The following CSGALNACT2 variants were observed in gnomAD, a reference collection of about 807,000 sequenced individuals.
CSGALNACT2 encodes the protein beta 4 GalNAcT-2.
CSGALNACT2 carries 35 observed loss-of-function variants against 55.3 expected under a neutral mutation model. The ratio of observed to expected loss-of-function variants is 0.63; its 90% CI spans 0.48 to 0.84. CSGALNACT2 has a LOEUF of 0.84. Among genes scored for constraint, CSGALNACT2 ranks in the 40% least tolerant of loss-of-function variants. The pLI is 0.00. For synonymous variants in CSGALNACT2, 196 were observed against 224.9 expected (o/e 0.87, Z 1.15); for missense variants, 544 against 657.5 (o/e 0.83, Z 1.89).
chr10:43,181,256 TA>T (rs1429819751), intron 7 of CSGALNACT2, among the ~76,000 whole-genome samples: 1 of 152,228 alleles, frequency 6.6e-6, no homozygotes, highest in East Asian at 1.9e-4. Context: ...TCTGCTCCAG[TA>T]AGTTGGAATT....
intron 5 of CSGALNACT2, among the ~76,000 whole-genome samples, chr10:43,165,514 G>A (rs116233100): frequency 2.0e-5 from 3 of 152,144 alleles, no homozygotes; most frequent in Admixed American, 6.5e-5. Context: ...GGGTGGGGGG[G>A]TGCTGCTGAG....
chr10:43,184,774 CAT>C lies in CSGALNACT2; in HGVS notation c.*1233_*1234del, dbSNP rs1839663960. The C allele has an allele frequency of 6.6e-6, 1 of 152,080 alleles. No homozygotes were observed. The highest frequency in any genetic ancestry group is 2.4e-5 in the African/African-American group (1 of 41,388). 9.4% of individuals were successfully genotyped at this position (152,080 alleles called of 1,614,324 possible). A position where few individuals can be genotyped will look rare whatever the true frequency, so the allele number is the denominator to read the frequency against. On this transcript the variant is annotated 3_prime_UTR_variant, in exon 8 of 8. Transcript: ENST00000374466. ...TATTTGTCACACATGGATCTGTTAC[CAT>C]CAGGTCAATTCCTAGTATGCATAAA... is the stretch of plus-strand genomic sequence containing the variant.
intron 3 of CSGALNACT2, among the ~76,000 whole-genome samples, chr10:43,160,150 C>T (rs111279015): frequency 6.6e-6 from 1 of 152,224 alleles, no homozygotes; most frequent in Non-Finnish European, 1.5e-5. Flanking sequence ...GACAAAATAA[C>T]TCTTAATCCA....
At position 43,167,294 on chromosome 10, in the gene CSGALNACT2, C is replaced by T. The variant is rs149683293; in HGVS notation, c.1254+196C>T. Among the ~76,000 whole-genome samples the T allele has an allele frequency of 3.0e-4, 46 of 152,254 alleles. 1 individual carries two copies. The highest frequency in any genetic ancestry group is 1.1e-3 in the African/African-American group (46 of 41,538). On this transcript the variant is annotated intron_variant, in intron 6 of 7. Transcript: ENST00000374466. Reference sequence around the variant, plus strand: ...AATAAGATGCTTTTCACATTTATTGCTTCAGAATTAAGTGTAGGGGGAGCA... The same window carrying T: ...AATAAGATGCTTTTCACATTTATTGTTTCAGAATTAAGTGTAGGGGGAGCA...
At chr10:43,140,533 C>T (rs575519861) in intron 1 of CSGALNACT2, among the ~76,000 whole-genome samples, 95 of 152,280 alleles carry the variant, frequency 6.2e-4, no homozygotes, top group African/African-American at 2.2e-3. Flanking sequence ...GTCGGACTGT[C>T]ATTGTTTGTT....
intron 6 of CSGALNACT2, among the ~76,000 whole-genome samples, chr10:43,169,765 C>G (rs959774693): frequency 6.6e-6 from 1 of 152,164 alleles, no homozygotes; most frequent in African/African-American, 2.4e-5. Flanking sequence ...ATTCTAATAG[C>G]TTCCAGAGAC....
intron 1 of CSGALNACT2, among the ~76,000 whole-genome samples, chr10:43,145,438 A>AG (rs1296224415): frequency 8.9e-6 from 1 of 112,340 alleles, no homozygotes; most frequent in Admixed American, 1.1e-4. Flanking sequence ...TTTTTTTAAG[A>AG]GACAGGGCTA....
At chr10:43,147,191 G>A (rs1378556981) in intron 1 of CSGALNACT2, among the ~76,000 whole-genome samples, 1 of 151,548 alleles carries the variant, frequency 6.6e-6, no homozygotes, top group Non-Finnish European at 1.5e-5. Context: ...TAGCCGGGAT[G>A]GTCTCGATCT....
chr10:43,153,444 G>A (rs1838924638), intron 1 of CSGALNACT2, among the ~76,000 whole-genome samples: 1 of 151,286 alleles, frequency 6.6e-6, no homozygotes, highest in Non-Finnish European at 1.5e-5. Context: ...ATTATTTGTG[G>A]TATATTGGCC....
intron 2 of CSGALNACT2, among the ~76,000 whole-genome samples, chr10:43,157,009 C>CA (rs1458357021): frequency 2.0e-5 from 3 of 152,222 alleles, no homozygotes; most frequent in Non-Finnish European, 2.9e-5. Context: ...TGGAGGCCAT[C>CA]AGGGAGGGCA....
At chr10:43,169,327 A>G (rs1016345555) in intron 6 of CSGALNACT2, among the ~76,000 whole-genome samples, 1 of 152,264 alleles carries the variant, frequency 6.6e-6, no homozygotes, top group Non-Finnish European at 1.5e-5. Flanking sequence ...ATACTATGAA[A>G]GAGGCACCAA....
intron 6 of CSGALNACT2, among the ~76,000 whole-genome samples, chr10:43,167,660 A>G (rs1839295248): frequency 6.6e-6 from 1 of 152,154 alleles, no homozygotes; most frequent in Admixed American, 6.5e-5. Context: ...AGTTTCCTCT[A>G]ATGCTAACAT....
intron 1 of CSGALNACT2, among the ~76,000 whole-genome samples, chr10:43,141,870 C>G (rs1174835211): frequency 6.6e-6 from 1 of 152,058 alleles, no homozygotes; most frequent in Non-Finnish European, 1.5e-5. Context: ...ATAGATCAAC[C>G]CTTCCCTCTC....
chr10:43,159,006 A>G (rs1839085079), intron 3 of CSGALNACT2, 75 bp downstream of exon 3: 2 of 793,170 alleles, frequency 2.5e-6, no homozygotes, highest in Non-Finnish European at 4.2e-6. Context: ...TCCTTAATTT[A>G]TCTTCACCGA....
At chr10:43,176,558 A>G (rs1465573234) in intron 7 of CSGALNACT2, among the ~76,000 whole-genome samples, 2 of 152,174 alleles carry the variant, frequency 1.3e-5, no homozygotes, top group Non-Finnish European at 2.9e-5. Flanking sequence ...CCTAAGCCTA[A>G]AGATGGCCCA....
intron 7 of CSGALNACT2, among the ~76,000 whole-genome samples, chr10:43,183,039 A>G (rs1004759454): frequency 5.3e-5 from 8 of 152,178 alleles, no homozygotes; most frequent in African/African-American, 1.7e-4. Flanking sequence ...GATACTGTCA[A>G]CAACCAACCT....
intron 1 of CSGALNACT2, among the ~76,000 whole-genome samples, chr10:43,151,032 G>C (rs1405340824): frequency 2.0e-5 from 3 of 152,004 alleles, no homozygotes; most frequent in African/African-American, 4.8e-5. Context: ...TTCATCTCCT[G>C]AAGTTTAACT....
intron 6 of CSGALNACT2, among the ~76,000 whole-genome samples, chr10:43,168,463 C>CA (rs773473610): frequency 1.3e-4 from 20 of 150,482 alleles, no homozygotes; most frequent in Admixed American, 5.3e-4. Context: ...AAAAACAAAA[C>CA]AAAAAAAAGG....
intron 2 of CSGALNACT2, among the ~76,000 whole-genome samples, chr10:43,156,425 GATTGAT>G (rs955860603): frequency 6.6e-6 from 1 of 152,168 alleles, no homozygotes; most frequent in Non-Finnish European, 1.5e-5. Flanking sequence ...TTAAGATATT[GATTGAT>G]ATTAACAGTA....
Sources: gnomAD v4.1 joint callset for allele counts (sites outside exome capture counted in the v4.1 genomes callset) on GRCh38, gnomAD v4.1.1 for gene constraint, MANE v1.5 for transcripts, NCBI Gene and HGNC (gene_info 2026-07-23, HGNC 2026-07-21) for gene names.